Variants in PTPRD observed in about 807,000 individuals in gnomAD.
The protein encoded by PTPRD is protein tyrosine phosphatase receptor type D.
Under a neutral mutation model 214.5 loss-of-function variants are expected in PTPRD, and 34 were observed. The observed-to-expected ratio is 0.16, with a 90% CI of 0.12 to 0.21. PTPRD has a LOEUF of 0.21. Ranked by LOEUF, PTPRD falls within the 10% of genes least tolerant of loss-of-function variation. The probability of loss-of-function intolerance (pLI) is 1.00; values close to 1 mark genes in which losing one functional copy is unlikely to be tolerated. For missense variants in PTPRD, 2,545 were observed against 2,398.7 expected (o/e 1.06, Z -1.27); for synonymous variants, 1,128 against 845.7 (o/e 1.33, Z -5.79).
At chr9:8,705,785 T>C (rs991436856) in intron 12 of PTPRD, among the ~76,000 whole-genome samples, 1 of 152,226 alleles carries the variant, frequency 6.6e-6, no homozygotes, top group Non-Finnish European at 1.5e-5. Flanking sequence ...AAAACAGTAG[T>C]AATAATAATC....
At chr9:10,501,119 GTTC>G (rs747672219) in intron 2 of PTPRD, among the ~76,000 whole-genome samples, 84 of 151,944 alleles carry the variant, frequency 5.5e-4, no homozygotes, top group South Asian at 2.7e-3. Context: ...CTTCCAAATT[GTTC>G]TTCTTAGTGG....
At chr9:9,375,768 G>A (rs1270567303) in intron 9 of PTPRD, among the ~76,000 whole-genome samples, 1 of 152,134 alleles carries the variant, frequency 6.6e-6, no homozygotes, top group Non-Finnish European at 1.5e-5. Flanking sequence ...GAGACATAAA[G>A]TAGGATGATG....
intron 5 of PTPRD, among the ~76,000 whole-genome samples, chr9:9,857,680 G>A (rs914915506): frequency 3.9e-5 from 6 of 152,214 alleles, no homozygotes; most frequent in African/African-American, 1.2e-4. Context: ...GTAAATGGTA[G>A]TTAAGTCAGG....
At chr9:9,029,429 T>C (rs1476757558) in intron 10 of PTPRD, among the ~76,000 whole-genome samples, 8 of 151,874 alleles carry the variant, frequency 5.3e-5, no homozygotes, top group Non-Finnish European at 8.8e-5. Flanking sequence ...AAGGGCTAGA[T>C]AAAGCAGGTG....
At chr9:8,836,752 A>G (rs2097433666) in intron 11 of PTPRD, among the ~76,000 whole-genome samples, 1 of 151,504 alleles carries the variant, frequency 6.6e-6, no homozygotes, top group African/African-American at 2.4e-5. Context: ...GCATGCCACC[A>G]TGTCCAGCTA....
rs1052608773 is a variant in PTPRD, at chr9:8,665,326, C to T, written c.65-28482G>A. On this transcript the variant is annotated intron_variant, in intron 12 of 45. Coordinates refer to ENST00000381196, the MANE Select transcript of PTPRD (RefSeq NM_002839.4). ...GTAGGCAGCCCTTCCCCTCTGTAGA[C>T]TTGGCTGCATTGCACTGGGGAGTAG... Among the ~76,000 whole-genome samples, 57 of 152,200 alleles carry T rather than the reference C, an allele frequency of 3.7e-4. 1 individual carries two copies. Among genetic ancestry groups the T allele is most frequent in the Admixed American group, 6.5e-5 (1 of 15,284 alleles).
chr9:9,912,194 C>T (rs565037531), intron 5 of PTPRD, among the ~76,000 whole-genome samples: 7 of 152,054 alleles, frequency 4.6e-5, no homozygotes, highest in Admixed American at 4.6e-4. Context: ...CTTTTTTAAT[C>T]GTTTAATTTA....
At chr9:10,104,326 G>GTT (rs1563831298) in intron 3 of PTPRD, among the ~76,000 whole-genome samples, 2 of 151,644 alleles carry the variant, frequency 1.3e-5, no homozygotes, top group Admixed American at 6.6e-5. Flanking sequence ...TAAATTTTAT[G>GTT]TTATATATAT....
chr9:8,695,139 C>G (rs564650134), intron 12 of PTPRD, among the ~76,000 whole-genome samples: 1 of 152,208 alleles, frequency 6.6e-6, no homozygotes, highest in Admixed American at 6.5e-5. Context: ...ATGATCCCTA[C>G]AGGCCTGCAG....
chr9:9,421,565 T>C (rs190256919), intron 8 of PTPRD, among the ~76,000 whole-genome samples: 3 of 152,212 alleles, frequency 2.0e-5, no homozygotes, highest in South Asian at 2.1e-4. Flanking sequence ...GAAGATAATC[T>C]GAACTTAGAA....
In PTPRD at chr9:10,487,834, CTT is replaced by C. The variant is rs35046295; in HGVS notation, c.-600+124562_-600+124563del. On this transcript the variant is annotated intron_variant, in intron 2 of 45. Transcript: ENST00000381196. Reference sequence around the variant, plus strand: ...ATGCATTCTATTATTTTTAGAAGAACTTTTTTTTTTTTTAAAAAGGAGACTTG... The same window carrying C: ...ATGCATTCTATTATTTTTAGAAGAACTTTTTTTTTTTAAAAAGGAGACTTG... 3.9e-4 allele frequency among the ~76,000 whole-genome samples: 57 copies of C among 147,424 alleles called. 1 individual carries two copies. The South Asian group carries it at 9.3e-3, about 24-fold the overall frequency.
chr9:9,907,515 C>T (rs549596521), intron 5 of PTPRD, among the ~76,000 whole-genome samples: 1 of 152,114 alleles, frequency 6.6e-6, no homozygotes, highest in African/African-American at 2.4e-5. Flanking sequence ...TCAATGTACA[C>T]ATATCACTGA....
chr9:9,695,148 C>T (rs1398458366), intron 7 of PTPRD, among the ~76,000 whole-genome samples: 1 of 152,146 alleles, frequency 6.6e-6, no homozygotes, highest in Non-Finnish European at 1.5e-5. Context: ...TTATTCAGGG[C>T]TCAAGGGCTC....
intron 3 of PTPRD, among the ~76,000 whole-genome samples, chr9:10,214,494 T>G (rs1396391021): frequency 6.6e-6 from 1 of 150,806 alleles, no homozygotes; most frequent in Admixed American, 6.7e-5. Context: ...CAGGTTGATC[T>G]CGAACTTCTG....
intron 11 of PTPRD, among the ~76,000 whole-genome samples, chr9:8,765,311 A>G (rs2094646573): frequency 1.3e-5 from 2 of 152,214 alleles, no homozygotes; most frequent in South Asian, 4.1e-4. Context: ...ACATTATGCC[A>G]GAGGTGATGC....
At chr9:9,650,996 T>C (rs1187539307) in intron 7 of PTPRD, among the ~76,000 whole-genome samples, 1 of 152,050 alleles carries the variant, frequency 6.6e-6, no homozygotes, top group African/African-American at 2.4e-5. Context: ...ATACAAATAA[T>C]TTATCTTCGC....
At chr9:8,532,568 A>G (rs548824641) in intron 14 of PTPRD, among the ~76,000 whole-genome samples, 8 of 152,254 alleles carry the variant, frequency 5.3e-5, no homozygotes, top group African/African-American at 1.2e-4. Flanking sequence ...ACATGAGGTG[A>G]AAAGAAAAAC....
chr9:8,534,701 C>A (rs2076514169), intron 14 of PTPRD, among the ~76,000 whole-genome samples: 1 of 151,564 alleles, frequency 6.6e-6, no homozygotes, highest in Non-Finnish European at 1.5e-5. Context: ...TGGACTTTTT[C>A]ACGTGTCAGA....
intron 39 of PTPRD, among the ~76,000 whole-genome samples, chr9:8,374,310 C>T (rs1252629377): frequency 6.6e-6 from 1 of 151,772 alleles, no homozygotes; most frequent in African/African-American, 2.4e-5. Context: ...AGCAGAGGCA[C>T]CATATAATCA....
Sources: gnomAD v4.1 joint callset for allele counts (sites outside exome capture counted in the v4.1 genomes callset) on GRCh38, gnomAD v4.1.1 for gene constraint, MANE v1.5 for transcripts, NCBI Gene and HGNC (gene_info 2026-07-23, HGNC 2026-07-21) for gene names.